SCN7A: variants seen among roughly 807,000 people sequenced by gnomAD.
SCN7A encodes sodium channel protein type 7 subunit alpha.
A neutral mutation model predicts 155.2 loss-of-function variants in SCN7A; 138 were observed. The ratio of observed to expected loss-of-function variants is 0.89; its 90% CI spans 0.77 to 1.02. The LOEUF (loss-of-function observed/expected upper bound fraction) is 1.02, where lower values mean the gene tolerates loss of function less well. Among genes scored for constraint, SCN7A ranks in the 50% least tolerant of loss-of-function variants. The probability of loss-of-function intolerance (pLI) is 0.00; values close to 1 mark genes in which losing one functional copy is unlikely to be tolerated. For synonymous variants in SCN7A, 693 were observed against 649.0 expected (o/e 1.07, Z -1.03); for missense variants, 2,058 against 1,986.6 (o/e 1.04, Z -0.68).
chr2:166,432,452 C>T lies in SCN7A; in HGVS notation c.2458G>A (p.Glu820Lys). The change falls in exon 16 of 26, where the codon GAA becomes AAA. Residue 820 changes from glutamate (E) to lysine (K), a missense_variant. By Grantham distance (56) the Glu-to-Lys change is moderately conservative. Transcript: ENST00000643258. ...GGGATAAGTGATTGGCTCTCATTTT[C>T]AGTAGCGTTTTTCTCTGTGCCACTG... ...KSSGTEKNAT[E>K]NESQSLIPSP... 1 of 1,613,632 alleles carries T rather than the reference C, an allele frequency of 6.2e-7. No individual in the cohort carries two copies. Among genetic ancestry groups the T allele is most frequent in the South Asian group, 1.1e-5 (1 of 91,070 alleles).
intron 20 of SCN7A, among the ~76,000 whole-genome samples, chr2:166,418,890 C>T (rs1324611038): frequency 6.6e-6 from 1 of 152,122 alleles, no homozygotes; most frequent in African/African-American, 2.4e-5. Flanking sequence ...AATGATATAT[C>T]TTCAGAGATA....
chr2:166,461,220 T>G (rs2105475000), intron 10 of SCN7A, among the ~76,000 whole-genome samples: 1 of 152,216 alleles, frequency 6.6e-6, no homozygotes, highest in African/African-American at 2.4e-5. Context: ...TGCCCACAAT[T>G]TATCAAGTCA....
At chr2:166,475,161 G>A (rs1285914544) in intron 3 of SCN7A, among the ~76,000 whole-genome samples, 2 of 116,042 alleles carry the variant, frequency 1.7e-5, no homozygotes, top group Admixed American at 1.9e-4. Context: ...TTCAGTGAAA[G>A]TGTGTATATA....
At chr2:166,427,976 A>T (rs1162057773) in intron 17 of SCN7A, 34 bp from the exon 18 acceptor site, 7 of 1,600,824 alleles carry the variant, frequency 4.4e-6, no homozygotes, top group Non-Finnish European at 6.0e-6. Flanking sequence ...ACAACAATCT[A>T]GAAAACTCAT....
At position 166,486,902 on chromosome 2, in the gene SCN7A, T is replaced by C. The variant is rs545744046; in HGVS notation, c.-61A>G. On this transcript the variant is annotated 5_prime_UTR_variant, in exon 2 of 26. Coordinates refer to ENST00000643258, the MANE Select transcript of SCN7A (RefSeq NM_002976.4). ...CCAGAAGATCCACACTCTTTTCATA[T>C]CTTTGGGCACTAGTTTTCCCTCAGC... 2.0e-5 allele frequency: 3 copies of C among 152,350 alleles called. No homozygotes were observed. The South Asian group carries it at 6.2e-4, about 32-fold the overall frequency. The allele number at this position is 152,350 out of a possible 1,614,324, so 9.4% of individuals were successfully genotyped here. A position where few individuals can be genotyped will look rare whatever the true frequency, so the allele number is the denominator to read the frequency against.
At chr2:166,407,562 T>A (rs576295679) in intron 25 of SCN7A, among the ~76,000 whole-genome samples, 25 of 152,008 alleles carry the variant, frequency 1.6e-4, no homozygotes, top group African/African-American at 5.5e-4. Context: ...CAATACCCTA[T>A]CTCTATAGTG....
intron 9 of SCN7A, among the ~76,000 whole-genome samples, chr2:166,464,471 A>G (rs1168976368): frequency 1.3e-5 from 2 of 152,182 alleles, no homozygotes; most frequent in African/African-American, 4.8e-5. Flanking sequence ...ATCTGAAATT[A>G]TAGGACAATG....
At chr2:166,491,946 C>T (rs896260470) in intron 1 of SCN7A, among the ~76,000 whole-genome samples, 3 of 152,166 alleles carry the variant, frequency 2.0e-5, no homozygotes, top group Middle Eastern at 3.4e-3. Context: ...AGTTGTGACA[C>T]GTATCTCAAC....
chr2:166,412,992 T>C (rs1701233748), intron 22 of SCN7A, 76 bp downstream of exon 22: 4 of 993,494 alleles, frequency 4.0e-6, no homozygotes, highest in Non-Finnish European at 6.1e-6. Context: ...TCATTATTAC[T>C]GGTGTCCTGT....
intron 20 of SCN7A, 118 bp from the exon 21 acceptor site, chr2:166,417,103 C>T (rs868206206): frequency 1.3e-6 from 1 of 786,214 alleles, no homozygotes; most frequent in East Asian, 2.8e-5. Flanking sequence ...CCTTAAAAGG[C>T]CATATCTAAA....
intron 21 of SCN7A, among the ~76,000 whole-genome samples, chr2:166,415,015 A>C (rs1280009980): frequency 7.4e-6 from 1 of 134,740 alleles, no homozygotes; most frequent in South Asian, 2.2e-4. Flanking sequence ...AATATATATT[A>C]TTATATAGGA....
chr2:166,454,544 T>C (rs934901911), intron 11 of SCN7A, among the ~76,000 whole-genome samples: 3 of 152,188 alleles, frequency 2.0e-5, no homozygotes, highest in African/African-American at 7.2e-5. Context: ...TTTCCCTCTT[T>C]GACTTAGTAG....
At chr2:166,413,840 A>G (rs2105369904) in intron 21 of SCN7A, among the ~76,000 whole-genome samples, 1 of 147,952 alleles carries the variant, frequency 6.8e-6, no homozygotes, top group Middle Eastern at 3.5e-3. Context: ...CAAACATTGG[A>G]CTCCAAGTTC....
intron 18 of SCN7A, among the ~76,000 whole-genome samples, chr2:166,426,078 A>T (rs1395862615): frequency 6.6e-6 from 1 of 152,118 alleles, no homozygotes; most frequent in Non-Finnish European, 1.5e-5. Context: ...CTTTAGAGAG[A>T]CATATGTGCC....
intron 10 of SCN7A, among the ~76,000 whole-genome samples, chr2:166,459,815 T>C (rs151030776): frequency 0.01 from 1,573 of 152,304 alleles, 32 homozygotes; most frequent in African/African-American, 0.037. Context: ...AATGAGTTCA[T>C]GTCCTTTGCA....
intron 3 of SCN7A, among the ~76,000 whole-genome samples, chr2:166,475,474 A>T (rs930476780): frequency 1.3e-5 from 2 of 151,542 alleles, no homozygotes; most frequent in Non-Finnish European, 3.0e-5. Context: ...AATGGAAACC[A>T]AATTGTGATA....
intron 2 of SCN7A, among the ~76,000 whole-genome samples, chr2:166,483,087 AATTC>A (rs2105527041): frequency 6.6e-6 from 1 of 152,182 alleles, no homozygotes. Flanking sequence ...GACACTAACA[AATTC>A]ATTGTACCAA....
intron 22 of SCN7A, 90 bp downstream of exon 22, chr2:166,412,976 TTC>T (rs1701233401): frequency 1.0e-6 from 1 of 952,662 alleles, no homozygotes; most frequent in African/African-American, 1.7e-5. Flanking sequence ...TGCATTTGAT[TTC>T]TATTCATTAT....
At chr2:166,482,407 C>T (rs561783119) in intron 2 of SCN7A, among the ~76,000 whole-genome samples, 1 of 152,120 alleles carries the variant, frequency 6.6e-6, no homozygotes, top group African/African-American at 2.4e-5. Flanking sequence ...TATAATATCC[C>T]TTTTCTTTTT....
Sources: allele counts gnomAD v4.1 joint callset (sites outside exome capture counted in the v4.1 genomes callset), GRCh38; gene constraint gnomAD v4.1.1; transcripts MANE v1.5; gene names NCBI Gene and HGNC (gene_info 2026-07-23, HGNC 2026-07-21).